The following EEF2K variants were observed in gnomAD, a reference collection of about 807,000 sequenced individuals.
The protein encoded by EEF2K is eukaryotic elongation factor 2 kinase.
Under a neutral mutation model 93.8 loss-of-function variants are expected in EEF2K, and 70 were observed. That is an observed-to-expected ratio of 0.75 (90% confidence interval 0.62 to 0.91). EEF2K has a LOEUF of 0.91. Among genes scored for constraint, EEF2K ranks in the 40% least tolerant of loss-of-function variants. The pLI is 0.00. For synonymous variants in EEF2K, 376 were observed against 380.8 expected (o/e 0.99, Z 0.15); for missense variants, 935 against 972.9 (o/e 0.96, Z 0.52).
chr16:22,231,452 A>T (rs2047114426), intron 2 of EEF2K, among the ~76,000 whole-genome samples: 1 of 151,986 alleles, frequency 6.6e-6, no homozygotes, highest in South Asian at 2.1e-4. Flanking sequence ...ATACATATAT[A>T]TTGGTATCTG....
chr16:22,238,694 T>G, intron 2 of EEF2K, among the ~76,000 whole-genome samples: 1 of 141,166 alleles, frequency 7.1e-6, no homozygotes, highest in Non-Finnish European at 1.5e-5. Context: ...AAAGCACTGA[T>G]CATCCTTGGA....
At chr16:22,217,035 C>T (rs1296735047) in intron 1 of EEF2K, among the ~76,000 whole-genome samples, 1 of 151,316 alleles carries the variant, frequency 6.6e-6, no homozygotes, top group African/African-American at 2.4e-5. Context: ...GTGACGCGTG[C>T]CTGTGGTCCC....
chr16:22,243,504 G>A (rs145703374), intron 2 of EEF2K, among the ~76,000 whole-genome samples: 11,185 of 151,310 alleles, frequency 0.074, 1,382 homozygotes, highest in African/African-American at 0.26. Context: ...CACCTGCCTC[G>A]GCCTCCCAAA....
At chr16:22,221,755 G>A (rs997910280) in intron 1 of EEF2K, among the ~76,000 whole-genome samples, 3 of 152,100 alleles carry the variant, frequency 2.0e-5, no homozygotes, top group Non-Finnish European at 4.4e-5. Context: ...AAAAGTTAAA[G>A]CAGTATAGAA....
At chr16:22,254,976 C>T (rs1437584692) in intron 6 of EEF2K, among the ~76,000 whole-genome samples, 3 of 152,140 alleles carry the variant, frequency 2.0e-5, no homozygotes, top group Non-Finnish European at 4.4e-5. Context: ...GAGGCTGAGG[C>T]AGAGGAATTG....
At chr16:22,212,990 A>T (rs1409284134) in intron 1 of EEF2K, among the ~76,000 whole-genome samples, 1 of 151,928 alleles carries the variant, frequency 6.6e-6, no homozygotes, top group East Asian at 1.9e-4. Flanking sequence ...TTAAAAAAGA[A>T]AGAAAGAGGC....
chr16:22,237,852 ATACATTTGTGTGTATGTC>A (rs2047182809), intron 2 of EEF2K, among the ~76,000 whole-genome samples: 1 of 152,164 alleles, frequency 6.6e-6, no homozygotes, highest in East Asian at 1.9e-4. Context: ...GCATATAAGT[ATACATTTGTGTGTATGTC>A]TACAGACACA....
chr16:22,241,850 T>G (rs1303244183), intron 2 of EEF2K, among the ~76,000 whole-genome samples: 1 of 151,940 alleles, frequency 6.6e-6, no homozygotes, highest in Non-Finnish European at 1.5e-5. Context: ...CCCAGCAGGC[T>G]AGGTGCAGCA....
chr16:22,223,567 T>C (rs912300513), intron 1 of EEF2K, among the ~76,000 whole-genome samples: 18 of 152,180 alleles, frequency 1.2e-4, no homozygotes, highest in African/African-American at 4.1e-4. Context: ...TTTTTTTGCA[T>C]GTGGATATTC....
intron 16 of EEF2K, 89 bp from the exon 17 acceptor site, chr16:22,280,109 C>T (rs563988586): frequency 6.0e-6 from 8 of 1,343,518 alleles, no homozygotes; most frequent in Non-Finnish European, 7.8e-6. Context: ...TGCTGGGATC[C>T]CTGACTTGCC....
At chr16:22,249,028 G>A (rs915060497) in intron 4 of EEF2K, among the ~76,000 whole-genome samples, 14 of 147,190 alleles carry the variant, frequency 9.5e-5, no homozygotes, top group African/African-American at 5.1e-5. Context: ...GGAGCACAGT[G>A]GCACAGTCAC....
At chr16:22,271,175 G>T (rs964271527) in intron 15 of EEF2K, among the ~76,000 whole-genome samples, 1 of 151,422 alleles carries the variant, frequency 6.6e-6, no homozygotes, top group Non-Finnish European at 1.5e-5. Flanking sequence ...TCACCATGTG[G>T]GCCAGGCTGG....
Position 22,257,358 on chromosome 16 carries a change from G to T in EEF2K, c.874G>T (p.Gly292Cys). ...TGACCCACAGATCCACACGGAGACG[G>T]GCACTGACTTTGGAGACGGCAACCT... Reference protein sequence around the residue: ...YTDPQIHTETGTDFGDGNLGV... With the variant: ...YTDPQIHTETCTDFGDGNLGV... Residue 292 changes from glycine to cysteine, a missense_variant, in exon 8 of 18, where the codon GGC (glycine) becomes TGC (cysteine). Gly to Cys is a radical substitution (Grantham distance 159). Transcript: ENST00000263026. 6.2e-7 allele frequency: 1 copy of T among 1,613,830 alleles called. No homozygotes were observed. Among genetic ancestry groups the T allele is most frequent in the Non-Finnish European group, 8.5e-7 (1 of 1,179,936 alleles).
chr16:22,244,258 CTATA>C (rs999778615), intron 2 of EEF2K, among the ~76,000 whole-genome samples: 1 of 137,006 alleles, frequency 7.3e-6, no homozygotes, highest in African/African-American at 2.9e-5. Flanking sequence ...TATTCTGTTT[CTATA>C]TATGTATTGT....
chr16:22,255,498 T>C (rs1255626913), intron 6 of EEF2K, among the ~76,000 whole-genome samples: 1 of 152,220 alleles, frequency 6.6e-6, no homozygotes, highest in Non-Finnish European at 1.5e-5. Context: ...ATTGCAATGC[T>C]CACTTCCCAT....
In EEF2K at chr16:22,270,944, G is replaced by GTA. The variant is rs201238447; in HGVS notation, c.1765-2671_1765-2670dup. 4.5e-3 allele frequency among the ~76,000 whole-genome samples: 667 copies of GTA among 148,552 alleles called. 5 individuals carry two copies. The highest frequency in any genetic ancestry group is 0.013 in the East Asian group (64 of 5,076). On this transcript the variant is annotated intron_variant, in intron 15 of 17. Coordinates refer to ENST00000263026, the MANE Select transcript of EEF2K (RefSeq NM_013302.5). Reference sequence around the variant, plus strand: ...TATGTGTGTATATATGTGTGTGTGTGTATATATATATACATATTTTGTTTT... The same window carrying GTA: ...TATGTGTGTATATATGTGTGTGTGTGTATATATATATATACATATTTTGTTTT...
At chr16:22,247,819 C>T (rs979892586) in intron 3 of EEF2K, among the ~76,000 whole-genome samples, 1 of 152,100 alleles carries the variant, frequency 6.6e-6, no homozygotes, top group Non-Finnish European at 1.5e-5. Context: ...TCTACCCGTA[C>T]ACCGGCAGCC....
chr16:22,283,937 C>T lies in EEF2K; in HGVS notation c.2119C>T (p.Arg707Ter), dbSNP rs1391640705. The change falls in exon 18 of 18, where the codon CGA becomes TGA. Residue 707 changes from arginine to a stop codon, truncating the protein, a stop_gained. Transcript: ENST00000263026. LOFTEE classifies it high-confidence loss of function. ...AEAAMEAMKGRLANQYYQKAE... is the reference protein window; with the variant it reads ...AEAAMEAMKG ...GGCAGCGATGGAAGCCATGAAGGGCCGACTGGCCAACCAGTACTACCAAAA... is the reference window on the plus strand; with the variant it reads ...GGCAGCGATGGAAGCCATGAAGGGCTGACTGGCCAACCAGTACTACCAAAA... 2 of 1,600,046 alleles carry T rather than the reference C, an allele frequency of 1.2e-6. No individual in the cohort carries two copies. The highest frequency in any genetic ancestry group is 4.5e-5 in the East Asian group (2 of 44,456).
chr16:22,275,746 T>C (rs1162555082), intron 16 of EEF2K, among the ~76,000 whole-genome samples: 1 of 151,790 alleles, frequency 6.6e-6, no homozygotes, highest in Non-Finnish European at 1.5e-5. Context: ...GTTCAAGTGA[T>C]TCTCCTGCCT....
Sources: gnomAD v4.1 joint callset for allele counts (sites outside exome capture counted in the v4.1 genomes callset) on GRCh38, gnomAD v4.1.1 for gene constraint, MANE v1.5 for transcripts, NCBI Gene and HGNC (gene_info 2026-07-23, HGNC 2026-07-21) for gene names.